The following TBC1D1 variants were observed in gnomAD, a reference collection of about 807,000 sequenced individuals.
TBC1D1 encodes the protein TBC1 (tre-2/USP6, BUB2, cdc16) domain family, member 1.
Under a neutral mutation model 125.6 loss-of-function variants are expected in TBC1D1, and 89 were observed. That is an observed-to-expected ratio of 0.71 (90% CI 0.60 to 0.85). TBC1D1 has a LOEUF of 0.85. TBC1D1 is among the 40% of genes least tolerant of loss of function. TBC1D1 has a pLI of 0.00. For synonymous variants in TBC1D1, 565 were observed against 564.1 expected (o/e 1.00, Z -0.02); for missense variants, 1,377 against 1,469.2 (o/e 0.94, Z 1.03).
chr4:37,994,840 G>A (rs1172452204), intron 2 of TBC1D1, among the ~76,000 whole-genome samples: 1 of 152,030 alleles, frequency 6.6e-6, no homozygotes, highest in African/African-American at 2.4e-5. Context: ...CCATTCTGCT[G>A]GCTTATTTTG....
intron 2 of TBC1D1, among the ~76,000 whole-genome samples, chr4:37,917,678 C>T (rs1577842262): frequency 1.3e-5 from 2 of 152,146 alleles, no homozygotes; most frequent in Non-Finnish European, 1.5e-5. Flanking sequence ...GGATGGATGC[C>T]GGGCTTCTCT....
chr4:38,130,852 G>A (rs1765472606), intron 18 of TBC1D1, among the ~76,000 whole-genome samples: 1 of 152,216 alleles, frequency 6.6e-6, no homozygotes, highest in African/African-American at 2.4e-5. Flanking sequence ...GGTTTTTAAT[G>A]TTAGGCCTTC....
chr4:38,076,935 C>A (rs1257887750), intron 12 of TBC1D1, among the ~76,000 whole-genome samples: 3 of 152,142 alleles, frequency 2.0e-5, no homozygotes, highest in Non-Finnish European at 4.4e-5. Flanking sequence ...TTCCAGGCTC[C>A]TGTATCTGAG....
chr4:37,902,516 A>G lies in TBC1D1; in HGVS notation c.417+4A>G. ...CAAAGCCGATGATCAAACAAAAGTAAGTGAGATGGAGATCCAAAAGACTAA... is the reference window on the plus strand; with the variant it reads ...CAAAGCCGATGATCAAACAAAAGTAGGTGAGATGGAGATCCAAAAGACTAA... On this transcript the variant is annotated splice_donor_region_variant and intron_variant, in intron 2 of 19. Transcript: ENST00000261439. 1 of 1,581,718 alleles carries G rather than the reference A, an allele frequency of 6.3e-7. No homozygotes were observed. The highest frequency in any genetic ancestry group is 1.8e-5 in the Admixed American group (1 of 56,816).
chr4:37,952,345 A>G (rs1441335240), intron 2 of TBC1D1: 1 of 446,726 alleles, frequency 2.2e-6, no homozygotes, highest in Non-Finnish European at 4.1e-6. Flanking sequence ...CACTGATGGA[A>G]TATAAATTAA....
intron 8 of TBC1D1, among the ~76,000 whole-genome samples, chr4:38,040,389 A>G (rs1748118968): frequency 6.6e-6 from 1 of 152,120 alleles, no homozygotes; most frequent in African/African-American, 2.4e-5. Flanking sequence ...CCCGGGTTCA[A>G]GCGATTCTCC....
chr4:38,045,923 T>A lies in TBC1D1; in HGVS notation c.1629+20T>A, dbSNP rs1414577282. On this transcript the variant is annotated intron_variant, in intron 10 of 19. Coordinates refer to ENST00000261439, the MANE Select transcript of TBC1D1 (RefSeq NM_015173.4). ...AGCAAAGTAAGCACATTTCTCTTTATACGACACCCTGAAGAAACCAACAAA... is the reference window on the plus strand; with the variant it reads ...AGCAAAGTAAGCACATTTCTCTTTAAACGACACCCTGAAGAAACCAACAAA... 6.2e-7 allele frequency: 1 copy of A among 1,604,992 alleles called. No individual in the cohort carries two copies. The highest frequency in any genetic ancestry group is 1.3e-5 in the African/African-American group (1 of 74,754).
intron 15 of TBC1D1, among the ~76,000 whole-genome samples, chr4:38,111,162 A>G (rs1268897074): frequency 6.6e-6 from 1 of 152,136 alleles, no homozygotes; most frequent in Non-Finnish European, 1.5e-5. Flanking sequence ...AGTGCTCAAC[A>G]CTGGATTATA....
intron 17 of TBC1D1, 35 bp downstream of exon 19, chr4:38,118,227 C>G: frequency 6.2e-7 from 1 of 1,610,434 alleles, no homozygotes; most frequent in Middle Eastern, 1.7e-4. Flanking sequence ...CAGAACCAGC[C>G]TTCTCTTATT....
chr4:38,020,141 T>C (rs1004038859), intron 4 of TBC1D1, among the ~76,000 whole-genome samples: 1 of 152,224 alleles, frequency 6.6e-6, no homozygotes, highest in Non-Finnish European at 1.5e-5. Context: ...TTTAGACTTT[T>C]TGAAATTTTA....
chr4:37,974,850 C>G (rs1016816243), intron 2 of TBC1D1, among the ~76,000 whole-genome samples: 1 of 152,220 alleles, frequency 6.6e-6, no homozygotes, highest in Non-Finnish European at 1.5e-5. Flanking sequence ...TGAGCCACCA[C>G]GCCCAGCCTC....
intron 8 of TBC1D1, among the ~76,000 whole-genome samples, chr4:38,037,009 A>G (rs569055705): frequency 6.6e-6 from 1 of 152,042 alleles, no homozygotes; most frequent in Non-Finnish European, 1.5e-5. Context: ...CTCTTGTGCC[A>G]CTGATAGCTT....
At chr4:38,136,471 G>A (rs1766637792) in intron 19 of TBC1D1, among the ~76,000 whole-genome samples, 1 of 152,154 alleles carries the variant, frequency 6.6e-6, no homozygotes, top group South Asian at 2.1e-4. Context: ...GTGATGTCTT[G>A]TTCCTCTAGA....
chr4:38,105,893 T>A (rs1196623471), intron 15 of TBC1D1, among the ~76,000 whole-genome samples: 1 of 152,234 alleles, frequency 6.6e-6, no homozygotes, highest in Non-Finnish European at 1.5e-5. Flanking sequence ...AGTGCTGTGA[T>A]GAACGTGTGA....
At chr4:37,909,979 T>G (rs114787266) in intron 2 of TBC1D1, among the ~76,000 whole-genome samples, 153 of 152,322 alleles carry the variant, frequency 1.0e-3, no homozygotes, top group African/African-American at 3.3e-3. Context: ...CTGCATGAAC[T>G]CCGAAGTATT....
chr4:37,984,723 A>ATTAC (rs1009361505), intron 2 of TBC1D1, among the ~76,000 whole-genome samples: 9 of 151,608 alleles, frequency 5.9e-5, no homozygotes, highest in African/African-American at 2.2e-4. Context: ...TGTACCTGTA[A>ATTAC]TCCCAGCTAC....
At chr4:38,035,995 G>T (rs963136071) in intron 8 of TBC1D1, among the ~76,000 whole-genome samples, 1 of 152,168 alleles carries the variant, frequency 6.6e-6, no homozygotes, top group Admixed American at 6.5e-5. Flanking sequence ...TGCTTGGCTT[G>T]CAGGGAGCTG....
intron 2 of TBC1D1, among the ~76,000 whole-genome samples, chr4:37,917,016 C>T (rs1017046181): frequency 6.6e-6 from 1 of 151,670 alleles, no homozygotes; most frequent in Non-Finnish European, 1.5e-5. Flanking sequence ...AGTGATTCGC[C>T]TGCCTCAGCC....
intron 13 of TBC1D1, among the ~76,000 whole-genome samples, chr4:38,092,245 T>A (rs1758546344): frequency 6.6e-6 from 1 of 152,210 alleles, no homozygotes; most frequent in Non-Finnish European, 1.5e-5. Flanking sequence ...ACTGCGAATT[T>A]AAGCAAAATG....
Sources: allele counts gnomAD v4.1 joint callset (sites outside exome capture counted in the v4.1 genomes callset), GRCh38; gene constraint gnomAD v4.1.1; transcripts MANE v1.5; gene names NCBI Gene and HGNC (gene_info 2026-07-23, HGNC 2026-07-21).